RANBP2: variants seen among roughly 807,000 people sequenced by gnomAD.
The protein encoded by RANBP2 is E3 SUMO-protein ligase RanBP2.
A neutral mutation model predicts 303.6 loss-of-function variants in RANBP2; 57 were observed. That is an observed-to-expected ratio of 0.19 (90% CI 0.15 to 0.23). The LOEUF is 0.23. Among genes scored for constraint, RANBP2 ranks in the 10% least tolerant of loss-of-function variants. The pLI, the probability that RANBP2 is intolerant of heterozygous loss-of-function variation, is 1.00. For missense variants in RANBP2, 3,138 were observed against 3,780.8 expected, an observed-to-expected ratio of 0.83 and a Z score of 4.46; for synonymous variants, 1,167 against 1,301.5, an observed-to-expected ratio of 0.90 and a Z score of 2.23.
At chr2:108,821,990 G>C in the RANBP2 span, among the ~76,000 whole-genome samples, 1 of 150,862 alleles carries the variant, frequency 6.6e-6, no homozygotes. Flanking sequence ...GCAAATAGAT[G>C]AAATCAAAAA....
At chr2:109,277,236 T>A in the RANBP2 span, among the ~76,000 whole-genome samples, 1 of 152,184 alleles carries the variant, frequency 6.6e-6, no homozygotes, top group South Asian at 2.1e-4. Flanking sequence ...TTCGGATGTG[T>A]CACACTTGGC....
the RANBP2 span, among the ~76,000 whole-genome samples, chr2:109,117,546 C>T: frequency 3.0e-4 from 45 of 152,346 alleles, 1 homozygote; most frequent in Middle Eastern, 3.4e-3. Context: ...TCACCCCCTT[C>T]TTTGACTAGG....
At chr2:109,450,764 T>C in the RANBP2 span, among the ~76,000 whole-genome samples, 8 of 152,194 alleles carry the variant, frequency 5.3e-5, no homozygotes, top group African/African-American at 1.4e-4. Context: ...CCCTAGGGCG[T>C]TGGGCTGGGT....
the RANBP2 span, among the ~76,000 whole-genome samples, chr2:108,913,673 A>T: frequency 1.3e-5 from 2 of 152,266 alleles, no homozygotes; most frequent in South Asian, 2.1e-4. Context: ...TGCGATAGCT[A>T]TCTTTACGTA....
At chr2:108,930,249 A>G in the RANBP2 span, 1 of 1,614,098 alleles carries the variant, frequency 6.2e-7, no homozygotes, top group East Asian at 2.2e-5. Context: ...ACACCTGCCA[A>G]CAAAGGGGGG....
At chr2:109,617,230 C>G in the RANBP2 span, 1 of 166,732 alleles carries the variant, frequency 6.0e-6, no homozygotes, top group Non-Finnish European at 1.5e-5. Flanking sequence ...AGATACCTAT[C>G]CTGTAGTTAC....
At chr2:109,081,538 G>A in the RANBP2 span, among the ~76,000 whole-genome samples, 1 of 152,182 alleles carries the variant, frequency 6.6e-6, no homozygotes, top group African/African-American at 2.4e-5. Context: ...CCTCCATCGT[G>A]CTCAGGGTTT....
chr2:108,856,836 TGAA>T, the RANBP2 span: 2 of 1,613,508 alleles, frequency 1.2e-6, no homozygotes, highest in African/African-American at 2.7e-5. Flanking sequence ...TGTTTGGACT[TGAA>T]GACAGAAGAA....
At chr2:108,772,259 A>G (rs556610553) in intron 21 of RANBP2, among the ~76,000 whole-genome samples, 22 of 152,206 alleles carry the variant, frequency 1.4e-4, no homozygotes. Context: ...ACAGTGGTAT[A>G]TAGTATTGGG....
chr2:109,624,461 A>G, the RANBP2 span, among the ~76,000 whole-genome samples: 3 of 152,290 alleles, frequency 2.0e-5, no homozygotes, highest in Admixed American at 6.5e-5. Flanking sequence ...AGTGTTCTTC[A>G]GGTTTCCATC....
chr2:108,968,189 G>A, the RANBP2 span, among the ~76,000 whole-genome samples: 1 of 152,054 alleles, frequency 6.6e-6, no homozygotes, highest in Admixed American at 6.6e-5. Flanking sequence ...TCTCAAAGTG[G>A]GGTCCACATA....
At chr2:108,732,032 T>C in intron 4 of RANBP2, 1 of 153,234 alleles carries the variant, frequency 6.5e-6, no homozygotes, top group Non-Finnish European at 1.5e-5. Context: ...GTAACTGTTC[T>C]GGAGAAAATC....
At chr2:109,559,054 T>C in the RANBP2 span, among the ~76,000 whole-genome samples, 165 of 152,206 alleles carry the variant, frequency 1.1e-3, 2 homozygotes, top group East Asian at 0.02. Flanking sequence ...CCCGGCTAAT[T>C]TTTGTATTTT....
the RANBP2 span, among the ~76,000 whole-genome samples, chr2:109,393,761 G>T: frequency 7.9e-5 from 12 of 151,996 alleles, 1 homozygote; most frequent in Non-Finnish European, 1.8e-4. Context: ...GGCCCAGGGG[G>T]ACACAACTAC....
chr2:108,989,654 C>T, the RANBP2 span, among the ~76,000 whole-genome samples: 1 of 152,160 alleles, frequency 6.6e-6, no homozygotes, highest in Non-Finnish European at 1.5e-5. Flanking sequence ...TTCCTTTCCT[C>T]TCTCTGGACA....
At chr2:108,938,250 GATA>G in the RANBP2 span, among the ~76,000 whole-genome samples, 1 of 152,218 alleles carries the variant, frequency 6.6e-6, no homozygotes, top group Non-Finnish European at 1.5e-5. Context: ...CAGTGACGAT[GATA>G]ATTTCTGAAG....
the RANBP2 span, among the ~76,000 whole-genome samples, chr2:109,546,904 A>G: frequency 1.6e-4 from 25 of 152,234 alleles, no homozygotes; most frequent in Non-Finnish European, 3.4e-4. Context: ...AATTAATGCT[A>G]AATACATTTG....
the RANBP2 span, among the ~76,000 whole-genome samples, chr2:108,957,697 C>T: frequency 6.6e-6 from 1 of 152,244 alleles, no homozygotes; most frequent in Non-Finnish European, 1.5e-5. Context: ...CATCCTTCAC[C>T]GGGCCTACCA....
At chr2:109,387,582 G>T in the RANBP2 span, among the ~76,000 whole-genome samples, 1 of 152,156 alleles carries the variant, frequency 6.6e-6, no homozygotes, top group East Asian at 1.9e-4. Context: ...ATCTCCTCAA[G>T]GTCTTGGCTC....
Sources: gnomAD v4.1 joint callset for allele counts (sites outside exome capture counted in the v4.1 genomes callset) on GRCh38, gnomAD v4.1.1 for gene constraint, MANE v1.5 for transcripts, NCBI Gene and HGNC (gene_info 2026-07-23, HGNC 2026-07-21) for gene names.